The following SRCAP variants were observed in gnomAD, a reference collection of about 807,000 sequenced individuals.
The protein encoded by SRCAP is chromatin remodeling protein SRCAP.
In SRCAP, 46 loss-of-function variants were observed where a neutral mutation model predicts 263.1. The ratio of observed to expected loss-of-function variants is 0.17; its 90% CI spans 0.14 to 0.22. SRCAP has a LOEUF of 0.22. Ranked by LOEUF, SRCAP falls within the 10% of genes least tolerant of loss-of-function variation. The pLI is 1.00. For missense variants in SRCAP, 3,695 were observed against 4,181.9 expected (o/e 0.88, Z 3.21); for synonymous variants, 1,813 against 1,662.1 (o/e 1.09, Z -2.21).
In SRCAP at chr16:30,716,200, C is replaced by T. The variant is rs757671811; in HGVS notation, c.2628C>T (p.Thr876=). Residue 876 remains threonine, a splice_region_variant and synonymous_variant, in exon 17 of 34, where the codon ACC becomes ACT. Transcript: ENST00000262518. ...RCLYDDFMAQ[T]TTKETLATGH... ...TCTATGATGACTTCATGGCACAGAC[C>T]ACGTAAGGGAGGAAGGAGGGTGGGC... 3 of 1,614,070 alleles carry T rather than the reference C, an allele frequency of 1.9e-6. No individual in the cohort carries two copies. Among genetic ancestry groups the T allele is most frequent in the Non-Finnish European group, 2.5e-6 (3 of 1,179,962 alleles).
At position 30,737,847 on chromosome 16, in the gene SRCAP, A is replaced by G; in HGVS notation, c.7807A>G (p.Thr2603Ala). 4 of 1,613,936 alleles carry G rather than the reference A, an allele frequency of 2.5e-6. No homozygotes were observed. The highest frequency in any genetic ancestry group is 3.4e-6 in the Non-Finnish European group (4 of 1,179,984). The part of the protein sequence containing the change: ...LPVSEKNLSL[T>A]PSAPSLTLEA... Reference sequence around the variant, plus strand: ...TGTGTCAGAGAAGAACCTTTCTCTCACCCCTTCTGCACCCAGCCTGACCTT... The same window carrying G: ...TGTGTCAGAGAAGAACCTTTCTCTCGCCCCTTCTGCACCCAGCCTGACCTT... The change falls in exon 34 of 34, where the codon ACC becomes GCC. Residue 2603 changes from threonine (T) to alanine (A), a missense_variant. Transcript: ENST00000262518.
intron 3 of SRCAP, among the ~76,000 whole-genome samples, chr16:30,702,377 C>T (rs112736874): frequency 8.9e-4 from 135 of 151,098 alleles, no homozygotes; most frequent in African/African-American, 3.2e-3. Context: ...GGATTACAGG[C>T]GTCCGCCACC....
intron 18 of SRCAP, among the ~76,000 whole-genome samples, chr16:30,717,701 C>T (rs375782665): frequency 2.7e-5 from 4 of 150,602 alleles, no homozygotes; most frequent in African/African-American, 9.8e-5. Context: ...CAACCTCCGC[C>T]TCCCAAGTTC....
At position 30,715,168 on chromosome 16, in the gene SRCAP, C is replaced by T. The variant is rs542544103; in HGVS notation, c.2494-898C>T. ...GATTTGCTATCATTAATTGAGAGTT[C>T]CTCTTGAACTCAACACTGTTCTAAG... On this transcript the variant is annotated intron_variant, in intron 16 of 33. Transcript: ENST00000262518. Among the ~76,000 whole-genome samples, 6 of 152,308 alleles carry T rather than the reference C, an allele frequency of 3.9e-5. No homozygotes were observed. The South Asian group carries it at 6.2e-4, about 16-fold the overall frequency.
At chr16:30,706,985 C>G (rs1048916745) in intron 4 of SRCAP, among the ~76,000 whole-genome samples, 198 bp from the exon 5 acceptor site, 5 of 152,150 alleles carry the variant, frequency 3.3e-5, no homozygotes, top group African/African-American at 1.2e-4. Context: ...CTTAATCTCC[C>G]TGATCTTTTT....
In SRCAP at chr16:30,722,551, C is replaced by T; in HGVS notation, c.3707-12C>T. On this transcript the variant is annotated splice_polypyrimidine_tract_variant and intron_variant, in intron 22 of 33. Coordinates refer to ENST00000262518, the MANE Select transcript of SRCAP (RefSeq NM_006662.3). Reference sequence around the variant, plus strand: ...CTGCTTCTCTCTCTCTTTCTCTCTTCCCTTAACCCAGGGAATGTGGTGCAC... The same window carrying T: ...CTGCTTCTCTCTCTCTTTCTCTCTTTCCTTAACCCAGGGAATGTGGTGCAC... 2 of 1,613,594 alleles carry T rather than the reference C, an allele frequency of 1.2e-6. No homozygotes were observed. Among genetic ancestry groups the T allele is most frequent in the Middle Eastern group, 1.7e-4 (1 of 6,056 alleles).
At chr16:30,720,653 G>T in intron 19 of SRCAP, 60 bp from the exon 20 acceptor site, 3 of 1,474,088 alleles carry the variant, frequency 2.0e-6, no homozygotes, top group East Asian at 2.3e-5. Context: ...TCTTTTCTTT[G>T]ATATTGCTAC....
intron 19 of SRCAP, 78 bp downstream of exon 19, chr16:30,720,409 GAA>G: frequency 6.7e-7 from 1 of 1,496,174 alleles, no homozygotes; most frequent in Non-Finnish European, 9.1e-7. Flanking sequence ...GGGGTGGGAA[GAA>G]AAGAGTTGGA....
In SRCAP at chr16:30,738,186, C is replaced by T. The variant is rs1456838826; in HGVS notation, c.8146C>T (p.Pro2716Ser). 2 of 1,614,204 alleles carry T rather than the reference C, an allele frequency of 1.2e-6. No homozygotes were observed. Among genetic ancestry groups the T allele is most frequent in the Admixed American group, 3.3e-5 (2 of 60,032 alleles). ...CACTTCCTCGCCTGAGGGTCCTTCA[C>T]CTGCCCGACCTCCTCGGCGTCGCAC... ...SATSSPEGPSPARPPRRRTSA... is the reference protein window; with the variant it reads ...SATSSPEGPSSARPPRRRTSA... Residue 2716 changes from proline (P) to serine (S), a missense_variant, in exon 34 of 34, where the codon CCT (proline) becomes TCT (serine). Around this residue, in one of 12 missense-constraint regions of SRCAP, gnomAD observed 1,207 missense variants for 1,142.9 expected, o/e 1.06. Transcript: ENST00000262518.
At chr16:30,736,933 C>G (rs1202323169) in intron 33 of SRCAP, 116 bp from the exon 34 acceptor site, 1 of 1,218,964 alleles carries the variant, frequency 8.2e-7, no homozygotes, top group Non-Finnish European at 1.1e-6. Context: ...CTTAACTTCC[C>G]CAAGTGCTGG....
chr16:30,737,792 T>A lies in SRCAP; in HGVS notation c.7752T>A (p.Asp2584Glu), dbSNP rs1239794974. ...CACTTTCTCTTGTGCCCCCTAAAGATCTGTTGCCAGTTGCTGTGGAGATCC... is the reference window on the plus strand; with the variant it reads ...CACTTTCTCTTGTGCCCCCTAAAGAACTGTTGCCAGTTGCTGTGGAGATCC... ...TSSLSLVPPK[D>E]LLPVAVEILP... Residue 2584 changes from aspartate to glutamate, a missense_variant, in exon 34 of 34, where the codon GAT (aspartate) becomes GAA (glutamate). Around this residue, in one of 12 missense-constraint regions of SRCAP, gnomAD observed 1,207 missense variants for 1,142.9 expected, o/e 1.06. Coordinates refer to ENST00000262518, the MANE Select transcript of SRCAP (RefSeq NM_006662.3). 1.9e-6 allele frequency: 3 copies of A among 1,614,176 alleles called. No individual in the cohort carries two copies. Among genetic ancestry groups the A allele is most frequent in the Middle Eastern group, 1.6e-4 (1 of 6,062 alleles).
chr16:30,733,950 G>C lies in SRCAP; in HGVS notation c.6551G>C (p.Arg2184Thr). ...ENILKKANQKRMLGDMAIEGG... is the reference protein window; with the variant it reads ...ENILKKANQKTMLGDMAIEGG... ...ATCCTAAAAAAGGCAAATCAGAAGA[G>C]AATGTTGGGGGACATGGCCATTGAG... The change falls in exon 30 of 34, where the codon AGA becomes ACA. Residue 2184 changes from arginine to threonine, a missense_variant. Physicochemically the swap from Arg to Thr is moderately conservative, Grantham distance 71. This residue lies in a region of SRCAP where 138 missense variants were observed against 254.9 expected (regional missense o/e 0.54). Transcript: ENST00000262518. The surrounding 1 kb of genome is among the most constrained non-coding windows in gnomAD (Gnocchi z 5.3). 1 of 1,613,756 alleles carries C rather than the reference G, an allele frequency of 6.2e-7. No homozygotes were observed. The highest frequency in any genetic ancestry group is 8.5e-7 in the Non-Finnish European group (1 of 1,179,838).
chr16:30,704,026 G>T (rs747077712), intron 3 of SRCAP, 38 bp from the exon 4 acceptor site: 1 of 1,588,278 alleles, frequency 6.3e-7, no homozygotes, highest in African/African-American at 1.3e-5. Context: ...AGCACAGTGC[G>T]AAGCATTTAT....
At position 30,712,444 on chromosome 16, in the gene SRCAP, G is replaced by A. The variant is rs1431620884; in HGVS notation, c.1993+5G>A. ...CCCACTTGGCTTGTGAGAAAGGTAA[G>A]TAGGCAAGGCCCCTTCTTTTGTTCC... On this transcript the variant is annotated splice_donor_5th_base_variant and intron_variant, in intron 13 of 33. Coordinates refer to ENST00000262518, the MANE Select transcript of SRCAP (RefSeq NM_006662.3). 1 of 1,565,922 alleles carries A rather than the reference G, an allele frequency of 6.4e-7. No individual in the cohort carries two copies. Among genetic ancestry groups the A allele is most frequent in the Non-Finnish European group, 8.6e-7 (1 of 1,157,890 alleles).
At chr16:30,714,507 C>CTTGTTTTTTTTTTTT (rs2052926060) in intron 16 of SRCAP, among the ~76,000 whole-genome samples, 1 of 100,000 alleles carries the variant, frequency 1.0e-5, no homozygotes, top group African/African-American at 4.0e-5. Context: ...CCGTGCCGGG[C>CTTGTTTTTTTTTTTT]TTTTTTTTTT....
chr16:30,711,630 G>C lies in SRCAP; in HGVS notation c.1378G>C (p.Gly460Arg). 6.2e-7 allele frequency: 1 copy of C among 1,613,982 alleles called. No homozygotes were observed. The highest frequency in any genetic ancestry group is 1.1e-5 in the South Asian group (1 of 91,068). ...TGCAGGAGCCTATGCCCCAGGCTCT[G>C]GGAGCAGTGAAGATGAGGATGAAGA... ...QYAGAYAPGS[G>R]SSEDEDEDEV... Residue 460 changes from glycine (G) to arginine (R), a missense_variant, in exon 11 of 34, where the codon GGG (glycine) becomes CGG (arginine). Transcript: ENST00000262518.
chr16:30,728,671 A>G (rs1368542355), intron 25 of SRCAP, among the ~76,000 whole-genome samples: 1 of 152,090 alleles, frequency 6.6e-6, no homozygotes, highest in African/African-American at 2.4e-5. Context: ...CTTAATTTTG[A>G]ATATTCAGTC....
At chr16:30,712,466 T>A (rs370372174) in intron 13 of SRCAP, 27 bp downstream of exon 13, 8 of 1,547,708 alleles carry the variant, frequency 5.2e-6, no homozygotes, top group Non-Finnish European at 7.0e-6. Flanking sequence ...CCTTCTTTTG[T>A]TCCCCCTAGT....
intron 31 of SRCAP, 49 bp from the exon 32 acceptor site, chr16:30,736,151 A>G (rs952827429): frequency 8.7e-6 from 14 of 1,604,416 alleles, no homozygotes; most frequent in Non-Finnish European, 1.2e-5. Context: ...CACAGGATGT[A>G]AAGTACTTGA....
Sources: gnomAD v4.1 joint callset for allele counts (sites outside exome capture counted in the v4.1 genomes callset) on GRCh38, gnomAD v4.1.1 for gene constraint, gnomAD v4.1.1 regional missense constraint, Gnocchi (gnomAD v3.1) non-coding constraint, MANE v1.5 for transcripts, NCBI Gene and HGNC (gene_info 2026-07-23, HGNC 2026-07-21) for gene names.